CSMD1: variants seen among roughly 807,000 people sequenced by gnomAD.
The protein encoded by CSMD1 is CUB and Sushi multiple domains 1, also known as CUB and sushi domain-containing protein 1.
Under a neutral mutation model 417.5 loss-of-function variants are expected in CSMD1, and 213 were observed. That is an observed-to-expected ratio of 0.51 (90% CI 0.46 to 0.57). The LOEUF (loss-of-function observed/expected upper bound fraction) is 0.57. CSMD1 is among the 20% of genes least tolerant of loss of function. CSMD1 has a pLI of 0.00. For synonymous variants in CSMD1, 2,862 were observed against 1,736.8 expected (o/e 1.65, Z -16.11); for missense variants, 6,923 against 4,529.7 (o/e 1.53, Z -15.17).
At chr8:4,904,243 T>C (rs893465) in intron 1 of CSMD1, among the ~76,000 whole-genome samples, 120,343 of 152,120 alleles carry the variant, frequency 0.79, 48,322 homozygotes, top group East Asian at 0.89. Flanking sequence ...AAAGCTCCAA[T>C]TCCTCATTAT....
intron 1 of CSMD1, among the ~76,000 whole-genome samples, chr8:4,968,738 T>A (rs1298748381): frequency 6.6e-6 from 1 of 152,080 alleles, no homozygotes; most frequent in Non-Finnish European, 1.5e-5. Flanking sequence ...CTGGTTTAGT[T>A]AACAGACCTT....
At chr8:4,451,912 T>G (rs1799169788) in intron 2 of CSMD1, among the ~76,000 whole-genome samples, 1 of 150,300 alleles carries the variant, frequency 6.7e-6, no homozygotes, top group Admixed American at 6.7e-5. Context: ...AAATGATACC[T>G]GCCCAGAGAT....
chr8:3,484,201 T>C (rs1817897577), intron 11 of CSMD1, among the ~76,000 whole-genome samples: 1 of 152,166 alleles, frequency 6.6e-6, no homozygotes, highest in South Asian at 2.1e-4. Context: ...ACAGTTATAG[T>C]AATTAGTAAT....
intron 7 of CSMD1, among the ~76,000 whole-genome samples, chr8:3,634,044 G>C (rs1178466099): frequency 6.6e-6 from 1 of 151,642 alleles, no homozygotes; most frequent in African/African-American, 2.4e-5. Context: ...TGAAATAAAG[G>C]GCTGACTCAG....
chr8:2,970,239 C>T (rs1804328982), intron 57 of CSMD1, among the ~76,000 whole-genome samples: 1 of 152,126 alleles, frequency 6.6e-6, no homozygotes, highest in Non-Finnish European at 1.5e-5. Flanking sequence ...GGTGAGATTG[C>T]TAAGGAAAAA....
intron 47 of CSMD1, among the ~76,000 whole-genome samples, chr8:3,093,936 C>T (rs1272572684): frequency 2.0e-5 from 3 of 151,940 alleles, no homozygotes; most frequent in Admixed American, 6.6e-5. Context: ...AAAGACAAAG[C>T]GTGTTTGGTA....
At chr8:4,528,781 TTCTCTC>T (rs35818830) in intron 2 of CSMD1, among the ~76,000 whole-genome samples, 44 of 149,074 alleles carry the variant, frequency 3.0e-4, no homozygotes, top group Admixed American at 1.0e-3. Flanking sequence ...AGAGCTCACT[TTCTCTC>T]TCTCTCTCTC....
intron 5 of CSMD1, among the ~76,000 whole-genome samples, chr8:3,985,755 G>A (rs941295463): frequency 5.6e-5 from 4 of 71,930 alleles, no homozygotes; most frequent in Non-Finnish European, 9.9e-5. Flanking sequence ...ATGTTAAAGT[G>A]ATTTTTTTTT....
At chr8:3,742,369 A>C (rs925986831) in intron 6 of CSMD1, among the ~76,000 whole-genome samples, 1 of 152,182 alleles carries the variant, frequency 6.6e-6, no homozygotes, top group African/African-American at 2.4e-5. Context: ...TCTGACCCGA[A>C]TATTTTTCAA....
chr8:4,633,411 T>A (rs1802648176), intron 2 of CSMD1, among the ~76,000 whole-genome samples: 1 of 151,680 alleles, frequency 6.6e-6, no homozygotes, highest in Non-Finnish European at 1.5e-5. Context: ...CACGCCCAGC[T>A]AATTTTTTTT....
intron 1 of CSMD1, among the ~76,000 whole-genome samples, chr8:4,825,586 TCAAAAA>T (rs1799779022): frequency 9.6e-6 from 1 of 104,662 alleles, no homozygotes; most frequent in South Asian, 3.2e-4. Context: ...ACAAGTGGGA[TCAAAAA>T]GCACAGAAAA....
In CSMD1 at chr8:2,938,619, T is replaced by C; in HGVS notation, c.10661A>G (p.Asp3554Gly). 6.2e-7 allele frequency: 1 copy of C among 1,612,376 alleles called. No individual in the cohort carries two copies. Among genetic ancestry groups the C allele is most frequent in the Non-Finnish European group, 8.5e-7 (1 of 1,179,252 alleles). ...TGTACAGACTGTGTTCAGAGTTGTG[T>C]CAAACCTCACAGCCTTGGCTTCTGT... The part of the protein sequence containing the change: ...KPTEAKAVRF[D>G]TTLNTVCTVV Residue 3554 changes from aspartate (D) to glycine (G), a missense_variant, in exon 70 of 70, where the codon GAC becomes GGC. By Grantham distance (94) the Asp-to-Gly change is moderately conservative. Transcript: ENST00000635120.
At chr8:3,675,270 A>T (rs1458005907) in intron 7 of CSMD1, among the ~76,000 whole-genome samples, 1 of 152,134 alleles carries the variant, frequency 6.6e-6, no homozygotes, top group African/African-American at 2.4e-5. Flanking sequence ...TGTGCGTGCC[A>T]TTCCCCTGCT....
intron 7 of CSMD1, among the ~76,000 whole-genome samples, chr8:3,672,045 T>C (rs1799097549): frequency 6.6e-6 from 1 of 152,162 alleles, no homozygotes; most frequent in African/African-American, 2.4e-5. Context: ...AAGAAGCAAA[T>C]TAACAAAGTC....
At chr8:3,804,957 T>C (rs575837988) in intron 5 of CSMD1, among the ~76,000 whole-genome samples, 2 of 152,162 alleles carry the variant, frequency 1.3e-5, no homozygotes, top group African/African-American at 2.4e-5. Context: ...TCCACCTCTG[T>C]GGCCAGAGAA....
chr8:4,384,638 A>G (rs1023504412), intron 3 of CSMD1, among the ~76,000 whole-genome samples: 2 of 152,134 alleles, frequency 1.3e-5, no homozygotes, highest in Non-Finnish European at 2.9e-5. Context: ...TTGTTATTCA[A>G]CAACCTGCTA....
intron 54 of CSMD1, among the ~76,000 whole-genome samples, chr8:2,994,811 G>C (rs892015870): frequency 2.6e-5 from 4 of 151,744 alleles, no homozygotes; most frequent in African/African-American, 9.7e-5. Context: ...ATGTTCCTTT[G>C]TAATTTAATA....
intron 17 of CSMD1, among the ~76,000 whole-genome samples, chr8:3,390,581 G>C (rs1437113445): frequency 2.6e-5 from 4 of 151,884 alleles, no homozygotes; most frequent in Non-Finnish European, 4.4e-5. Context: ...TGTATATTCA[G>C]AGTCTGTTCC....
chr8:3,496,611 A>G (rs1796375824), intron 10 of CSMD1, among the ~76,000 whole-genome samples: 1 of 152,122 alleles, frequency 6.6e-6, no homozygotes, highest in South Asian at 2.1e-4. Context: ...GTGGGTCATG[A>G]GGTCAGGAAT....
Sources: gnomAD v4.1 joint callset for allele counts (sites outside exome capture counted in the v4.1 genomes callset) on GRCh38, gnomAD v4.1.1 for gene constraint, MANE v1.5 for transcripts, NCBI Gene and HGNC (gene_info 2026-07-23, HGNC 2026-07-21) for gene names.